The following SLIT2 variants were observed in gnomAD, a reference collection of about 807,000 sequenced individuals.
The protein encoded by SLIT2 is slit guidance ligand 2.
A neutral mutation model predicts 185.7 loss-of-function variants in SLIT2; 41 were observed. The ratio of observed to expected loss-of-function variants is 0.22; its 90% CI spans 0.17 to 0.29. The LOEUF (loss-of-function observed/expected upper bound fraction) is 0.29. Ranked by LOEUF, SLIT2 falls within the 10% of genes least tolerant of loss-of-function variation. SLIT2 has a pLI of 1.00. For missense variants in SLIT2, 1,571 were observed against 1,909.0 expected (o/e 0.82, Z 3.30); for synonymous variants, 693 against 680.2 (o/e 1.02, Z -0.29).
intron 4 of SLIT2, among the ~76,000 whole-genome samples, chr4:20,348,768 T>C (rs945742654): frequency 6.6e-6 from 1 of 152,178 alleles, no homozygotes; most frequent in Admixed American, 6.5e-5. Flanking sequence ...CCTGTGTTGG[T>C]TTCATTCTGA....
intron 18 of SLIT2, among the ~76,000 whole-genome samples, chr4:20,534,755 C>G (rs1722118752): frequency 6.6e-6 from 1 of 152,088 alleles, no homozygotes; most frequent in African/African-American, 2.4e-5. Flanking sequence ...ATTGTCTGCT[C>G]TTTATCAGAT....
At chr4:20,489,127 A>G (rs1717538360) in intron 8 of SLIT2, 145 bp downstream of exon 8, 2 of 511,494 alleles carry the variant, frequency 3.9e-6, no homozygotes. Context: ...CCTCTTTTTC[A>G]GTGAAAATAT....
At chr4:20,439,319 C>T (rs751874922) in intron 4 of SLIT2, among the ~76,000 whole-genome samples, 26 of 152,186 alleles carry the variant, frequency 1.7e-4, no homozygotes, top group Non-Finnish European at 3.2e-4. Flanking sequence ...TATTGTCTCA[C>T]AGTTCTGGAG....
At chr4:20,500,785 C>T (rs1203442756) in intron 9 of SLIT2, among the ~76,000 whole-genome samples, 2 of 152,138 alleles carry the variant, frequency 1.3e-5, no homozygotes. Flanking sequence ...AGATAAGAAG[C>T]TATCATGCCG....
At chr4:20,350,783 C>T (rs1322407924) in intron 4 of SLIT2, among the ~76,000 whole-genome samples, 3 of 151,786 alleles carry the variant, frequency 2.0e-5, no homozygotes, top group South Asian at 2.1e-4. Flanking sequence ...CTTGAGGCCA[C>T]GAGTTTGAGA....
intron 4 of SLIT2, among the ~76,000 whole-genome samples, chr4:20,325,746 ATAC>A (rs1333674348): frequency 1.3e-5 from 2 of 152,138 alleles, no homozygotes; most frequent in African/African-American, 4.8e-5. Flanking sequence ...TTCCTTCATC[ATAC>A]TGTTTGGTAT....
At chr4:20,362,304 G>C (rs904841836) in intron 4 of SLIT2, among the ~76,000 whole-genome samples, 4 of 152,098 alleles carry the variant, frequency 2.6e-5, no homozygotes, top group Admixed American at 2.6e-4. Context: ...TGAAGGCAGA[G>C]GAGAGAGCTC....
intron 4 of SLIT2, among the ~76,000 whole-genome samples, chr4:20,284,759 A>T (rs1415704886): frequency 6.6e-6 from 1 of 152,212 alleles, no homozygotes; most frequent in Non-Finnish European, 1.5e-5. Context: ...ATTATTTGTC[A>T]GTTCTCTCCC....
At chr4:20,615,394 A>T (rs1176534190) in intron 34 of SLIT2, 1 of 152,182 alleles carries the variant, frequency 6.6e-6, no homozygotes. Context: ...CCTGAGCTGC[A>T]TGTAGATATT....
At chr4:20,256,770 T>C (rs1205907055) in intron 2 of SLIT2, 27 bp downstream of exon 2, 2 of 1,182,480 alleles carry the variant, frequency 1.7e-6, no homozygotes, top group Admixed American at 2.2e-5. Flanking sequence ...TATTTTTAAA[T>C]AATTTTTTAA....
chr4:20,521,101 ACT>A (rs1309542540), intron 12 of SLIT2, among the ~76,000 whole-genome samples: 1 of 151,984 alleles, frequency 6.6e-6, no homozygotes, highest in Non-Finnish European at 1.5e-5. Flanking sequence ...ATTCACAATC[ACT>A]CTATCACTGC....
chr4:20,499,273 T>C (rs1718493461), intron 9 of SLIT2, among the ~76,000 whole-genome samples: 1 of 152,188 alleles, frequency 6.6e-6, no homozygotes, highest in South Asian at 2.1e-4. Flanking sequence ...TTGTAGATTC[T>C]GGATATTAGT....
At chr4:20,401,787 C>G (rs1219691949) in intron 4 of SLIT2, among the ~76,000 whole-genome samples, 1 of 151,836 alleles carries the variant, frequency 6.6e-6, no homozygotes, top group African/African-American at 2.4e-5. Flanking sequence ...ATAACACTGT[C>G]ACAGGTTGGT....
At chr4:20,294,622 TTGTC>T (rs764104372) in intron 4 of SLIT2, among the ~76,000 whole-genome samples, 2 of 152,210 alleles carry the variant, frequency 1.3e-5, no homozygotes, top group African/African-American at 2.4e-5. Context: ...CACATTTTGT[TTGTC>T]TGACACTTTT....
intron 4 of SLIT2, among the ~76,000 whole-genome samples, chr4:20,343,707 A>G (rs1277000007): frequency 6.7e-6 from 1 of 149,080 alleles, no homozygotes; most frequent in Non-Finnish European, 1.5e-5. Flanking sequence ...AGATCTCACT[A>G]TGTTGCTCAG....
chr4:20,595,038 C>A (rs17543582), intron 30 of SLIT2, among the ~76,000 whole-genome samples: 2,669 of 152,230 alleles, frequency 0.018, 36 homozygotes, highest in Middle Eastern at 0.044. Flanking sequence ...AGCCAAGACC[C>A]TTTACCACCA....
chr4:20,371,150 A>G (rs1723536876), intron 4 of SLIT2, among the ~76,000 whole-genome samples: 1 of 152,058 alleles, frequency 6.6e-6, no homozygotes, highest in African/African-American at 2.4e-5. Context: ...TCTAAGGGGC[A>G]CCATTCAGAT....
intron 4 of SLIT2, among the ~76,000 whole-genome samples, chr4:20,273,275 GA>G (rs1396779586): frequency 6.6e-6 from 1 of 151,536 alleles, no homozygotes; most frequent in African/African-American, 2.4e-5. Context: ...TAGAAAATAG[GA>G]AGTAAAAATT....
At chr4:20,362,268 G>A (rs80283215) in intron 4 of SLIT2, among the ~76,000 whole-genome samples, 1 of 152,116 alleles carries the variant, frequency 6.6e-6, no homozygotes, top group Non-Finnish European at 1.5e-5. Context: ...TTGGGGCTTG[G>A]AGTCAGTTGT....
Sources: gnomAD v4.1 joint callset for allele counts (sites outside exome capture counted in the v4.1 genomes callset) on GRCh38, gnomAD v4.1.1 for gene constraint, MANE v1.5 for transcripts, NCBI Gene and HGNC (gene_info 2026-07-23, HGNC 2026-07-21) for gene names.